NTM: variants seen among roughly 807,000 people sequenced by gnomAD.
NTM encodes IgLON family member 2.
Under a neutral mutation model 42.1 loss-of-function variants are expected in NTM, and 13 were observed. The observed-to-expected ratio is 0.31, with a 90% CI of 0.20 to 0.49. The LOEUF is 0.49. Among genes scored for constraint, NTM ranks in the 20% least tolerant of loss-of-function variants. The pLI, the probability that NTM is intolerant of heterozygous loss-of-function variation, is 0.99. For synonymous variants in NTM, 187 were observed against 179.2 expected (o/e 1.04, Z -0.35); for missense variants, 373 against 452.8 (o/e 0.82, Z 1.60).
At position 132,108,884 on chromosome 11, in the gene NTM, G is replaced by A. The variant is rs548455519; in HGVS notation, c.168-37398G>A. 7.2e-5 allele frequency among the ~76,000 whole-genome samples: 11 copies of A among 152,184 alleles called. No individual in the cohort carries two copies. The East Asian group carries it at 1.9e-3, about 27-fold the overall frequency. The stretch of plus-strand genomic sequence containing the variant: ...ACCAGCCCCTGACAGGCCCCAGTGT[G>A]TGATGTTCCCCTCCTTGTGTCCATG... On this transcript the variant is annotated intron_variant, in intron 2 of 8. Coordinates refer to ENST00000683400, the MANE Select transcript of NTM (RefSeq NM_001352005.2).
intron 3 of NTM, among the ~76,000 whole-genome samples, chr11:132,164,138 A>G (rs1353371743): frequency 1.3e-5 from 2 of 152,196 alleles, no homozygotes; most frequent in African/African-American, 2.4e-5. Context: ...AAAATACAAT[A>G]TGGTGGGTAA....
At chr11:132,268,357 G>T (rs1027792543) in intron 4 of NTM, among the ~76,000 whole-genome samples, 1 of 152,148 alleles carries the variant, frequency 6.6e-6, no homozygotes, top group Non-Finnish European at 1.5e-5. Flanking sequence ...TCACAACCAT[G>T]CAAAGTAGAC....
At chr11:132,280,157 A>G (rs1434484911) in intron 4 of NTM, among the ~76,000 whole-genome samples, 3 of 152,202 alleles carry the variant, frequency 2.0e-5, no homozygotes, top group African/African-American at 7.2e-5. Flanking sequence ...ATGGATCTCA[A>G]CCGAGGTCAT....
chr11:131,847,952 A>C (rs1160994825), intron 1 of NTM, among the ~76,000 whole-genome samples: 1 of 152,170 alleles, frequency 6.6e-6, no homozygotes, highest in African/African-American at 2.4e-5. Context: ...TGTATGTCTC[A>C]TTGAGACCAT....
At chr11:131,707,282 C>A (rs2076685471) in intron 1 of NTM, among the ~76,000 whole-genome samples, 1 of 152,036 alleles carries the variant, frequency 6.6e-6, no homozygotes, top group Non-Finnish European at 1.5e-5. Context: ...TTTAACTTAG[C>A]ATAATGTCCT....
rs528346950 is a variant in NTM, at chr11:132,314,753, G to A, written c.934+50G>A. 3.3e-5 allele frequency: 51 copies of A among 1,550,182 alleles called. No individual in the cohort carries two copies. The East Asian group carries it at 5.4e-4, about 16-fold the overall frequency. ...AAGAAGAGGGGAGAGGGTGCAGAACGGGAGAGCTGGGTGGGAGGGCCCCTC... is the reference window on the plus strand; with the variant it reads ...AAGAAGAGGGGAGAGGGTGCAGAACAGGAGAGCTGGGTGGGAGGGCCCCTC... On this transcript the variant is annotated intron_variant, in intron 7 of 8. Transcript: ENST00000683400.
chr11:132,259,226 A>G (rs2092693899), intron 4 of NTM, among the ~76,000 whole-genome samples: 1 of 152,166 alleles, frequency 6.6e-6, no homozygotes, highest in Non-Finnish European at 1.5e-5. Context: ...GTAAGTTTTG[A>G]TATGATTAAT....
intron 5 of NTM, among the ~76,000 whole-genome samples, chr11:132,308,759 G>C (rs3099767): frequency 2.0e-5 from 3 of 152,036 alleles, no homozygotes; most frequent in Non-Finnish European, 4.4e-5. Flanking sequence ...AAGAAGCAAG[G>C]CAATAGGTAT....
At chr11:132,196,775 A>C (rs2138374816) in intron 3 of NTM, among the ~76,000 whole-genome samples, 1 of 152,172 alleles carries the variant, frequency 6.6e-6, no homozygotes, top group African/African-American at 2.4e-5. Flanking sequence ...ACTACTTGAG[A>C]GGGGGAGGAT....
intron 1 of NTM, among the ~76,000 whole-genome samples, chr11:131,611,527 C>T (rs148844795): frequency 2.0e-5 from 3 of 152,154 alleles, no homozygotes; most frequent in Non-Finnish European, 2.9e-5. Context: ...AACAATAGAT[C>T]AAAGGGGAAT....
chr11:132,025,845 G>A (rs117456414), intron 2 of NTM, among the ~76,000 whole-genome samples: 7,535 of 152,250 alleles, frequency 0.049, 256 homozygotes, highest in Non-Finnish European at 0.073. Context: ...GGCCATGGGA[G>A]CAATTGATTT....
chr11:131,648,424 A>G (rs189142188), intron 1 of NTM, among the ~76,000 whole-genome samples: 484 of 152,266 alleles, frequency 3.2e-3, no homozygotes, highest in Non-Finnish European at 4.5e-3. Context: ...GAATCACCAC[A>G]CTGTTTTTCA....
At chr11:131,753,083 C>A in intron 1 of NTM, among the ~76,000 whole-genome samples, 1 of 151,914 alleles carries the variant, frequency 6.6e-6, no homozygotes, top group East Asian at 1.9e-4. Flanking sequence ...GGGCAAAGGA[C>A]ATGAACAGAC....
intron 1 of NTM, among the ~76,000 whole-genome samples, chr11:131,702,186 A>G (rs1235233107): frequency 6.6e-6 from 1 of 151,964 alleles, no homozygotes; most frequent in East Asian, 1.9e-4. Context: ...TCTCACTTTC[A>G]CCAGGGATCG....
chr11:132,304,754 C>G (rs2095014836), intron 4 of NTM, among the ~76,000 whole-genome samples: 1 of 152,110 alleles, frequency 6.6e-6, no homozygotes, highest in Non-Finnish European at 1.5e-5. Flanking sequence ...TTACTATGTA[C>G]AAGTCACTTT....
At chr11:132,208,681 G>GA (rs2082360445) in intron 3 of NTM, among the ~76,000 whole-genome samples, 1 of 152,104 alleles carries the variant, frequency 6.6e-6, no homozygotes, top group Non-Finnish European at 1.5e-5. Context: ...AGGAAGCCAG[G>GA]AAAATGAACT....
At chr11:131,602,304 T>C (rs957962272) in intron 1 of NTM, among the ~76,000 whole-genome samples, 8 of 152,194 alleles carry the variant, frequency 5.3e-5, no homozygotes, top group Admixed American at 1.3e-4. Flanking sequence ...TAAACTGTGT[T>C]AGTAAGGACA....
chr11:131,403,052 A>T (rs1292507675), intron 1 of NTM, among the ~76,000 whole-genome samples: 1 of 152,242 alleles, frequency 6.6e-6, no homozygotes, highest in Admixed American at 6.5e-5. Flanking sequence ...GACTGCATAA[A>T]AGGAACAGAT....
intron 2 of NTM, among the ~76,000 whole-genome samples, chr11:132,091,903 GA>G (rs2060420395): frequency 1.3e-5 from 2 of 152,098 alleles, no homozygotes; most frequent in South Asian, 4.1e-4. Flanking sequence ...TATTTGTTGA[GA>G]AAACAGATGA....
Sources: allele counts gnomAD v4.1 joint callset (sites outside exome capture counted in the v4.1 genomes callset), GRCh38; gene constraint gnomAD v4.1.1; transcripts MANE v1.5; gene names NCBI Gene and HGNC (gene_info 2026-07-23, HGNC 2026-07-21).